ERBB4: variants seen among roughly 807,000 people sequenced by gnomAD.
The protein encoded by ERBB4 is erb-b2 receptor tyrosine kinase 4.
Under a neutral mutation model 158.0 loss-of-function variants are expected in ERBB4, and 42 were observed. That is an observed-to-expected ratio of 0.27 (90% CI 0.21 to 0.34). The LOEUF (loss-of-function observed/expected upper bound fraction) is 0.34. Among genes scored for constraint, ERBB4 ranks in the 10% least tolerant of loss-of-function variants. The probability of loss-of-function intolerance (pLI) is 1.00; values close to 1 mark genes in which losing one functional copy is unlikely to be tolerated. For synonymous variants in ERBB4, 583 were observed against 558.7 expected (o/e 1.04, Z -0.61); for missense variants, 1,333 against 1,624.1 (o/e 0.82, Z 3.08).
At chr2:211,956,015 T>A (rs892412564) in intron 2 of ERBB4, among the ~76,000 whole-genome samples, 11 of 147,380 alleles carry the variant, frequency 7.5e-5, no homozygotes, top group African/African-American at 2.8e-4. Context: ...AGTTGAAGAT[T>A]CTATCATCTC....
At chr2:212,070,382 C>A (rs2078077581) in intron 2 of ERBB4, among the ~76,000 whole-genome samples, 1 of 151,978 alleles carries the variant, frequency 6.6e-6, no homozygotes. Context: ...TCAAGAAATA[C>A]AGAATAGTCA....
intron 17 of ERBB4, among the ~76,000 whole-genome samples, chr2:211,626,601 A>C (rs1420877500): frequency 1.3e-5 from 2 of 152,132 alleles, no homozygotes; most frequent in African/African-American, 4.8e-5. Context: ...TTAAAGAATA[A>C]TTTTCTATAA....
In ERBB4 at chr2:211,499,769, C is replaced by T. The variant is rs140153220; in HGVS notation, c.2487+62134G>A. Among the ~76,000 whole-genome samples, 10 of 152,054 alleles carry T rather than the reference C, an allele frequency of 6.6e-5. No individual in the cohort carries two copies. In the East Asian group the frequency reaches 1.7e-3, roughly 26 times the overall value. On this transcript the variant is annotated intron_variant, in intron 20 of 27. Coordinates refer to ENST00000342788, the MANE Select transcript of ERBB4 (RefSeq NM_005235.3). ...TTGCTCTTTCTAGGTGAAGATACCCCCAAAAAGTTCTATTTCTGAGACTAT... is the reference window on the plus strand; with the variant it reads ...TTGCTCTTTCTAGGTGAAGATACCCTCAAAAAGTTCTATTTCTGAGACTAT...
intron 17 of ERBB4, among the ~76,000 whole-genome samples, chr2:211,628,289 G>T (rs1356045667): frequency 6.6e-6 from 1 of 151,974 alleles, no homozygotes; most frequent in Non-Finnish European, 1.5e-5. Context: ...TTTAACATTA[G>T]GTATATCTCC....
chr2:211,590,326 T>C (rs2068422850), intron 19 of ERBB4, among the ~76,000 whole-genome samples: 1 of 152,212 alleles, frequency 6.6e-6, no homozygotes, highest in Non-Finnish European at 1.5e-5. Context: ...ACTTCCTTCT[T>C]GCCTGGGGAC....
intron 1 of ERBB4, among the ~76,000 whole-genome samples, chr2:212,184,574 A>G (rs1420945020): frequency 6.6e-6 from 1 of 152,128 alleles, no homozygotes; most frequent in Non-Finnish European, 1.5e-5. Flanking sequence ...CACATTTTGG[A>G]GCATCTAGTA....
chr2:211,761,603 C>G (rs576787059), intron 4 of ERBB4, among the ~76,000 whole-genome samples: 1 of 152,054 alleles, frequency 6.6e-6, no homozygotes, highest in Non-Finnish European at 1.5e-5. Flanking sequence ...TTGGCAATTA[C>G]TTTGATTCTA....
chr2:212,460,762 T>C (rs1435096047), intron 1 of ERBB4, among the ~76,000 whole-genome samples: 1 of 152,180 alleles, frequency 6.6e-6, no homozygotes, highest in African/African-American at 2.4e-5. Context: ...TCCCAATTTC[T>C]GAGGAGAAAT....
intron 1 of ERBB4, among the ~76,000 whole-genome samples, chr2:212,327,437 G>T (rs1489360130): frequency 6.6e-6 from 1 of 151,884 alleles, no homozygotes; most frequent in Non-Finnish European, 1.5e-5. Context: ...TGAGACTAAG[G>T]ATACTCTTGG....
chr2:211,617,476 A>G (rs569310665), intron 19 of ERBB4, among the ~76,000 whole-genome samples: 198 of 152,226 alleles, frequency 1.3e-3, no homozygotes, highest in Non-Finnish European at 1.9e-3. Flanking sequence ...ACTTTAGAGA[A>G]CTGGAGAAAG....
intron 1 of ERBB4, among the ~76,000 whole-genome samples, chr2:212,245,746 G>C (rs894359246): frequency 2.6e-5 from 4 of 152,032 alleles, no homozygotes; most frequent in South Asian, 2.1e-4. Context: ...GGATTGTGCT[G>C]CCAATCTTAT....
intron 1 of ERBB4, among the ~76,000 whole-genome samples, chr2:212,139,931 CT>C (rs59903895): frequency 0.028 from 4,306 of 151,782 alleles, 140 homozygotes; most frequent in African/African-American, 0.078. Context: ...AAATAAGTAT[CT>C]TTTTTATTAT....
At chr2:211,476,534 G>A (rs1041134501) in intron 20 of ERBB4, among the ~76,000 whole-genome samples, 1 of 149,304 alleles carries the variant, frequency 6.7e-6, no homozygotes, top group Non-Finnish European at 1.5e-5. Context: ...AAGAATCTAA[G>A]TTTCTCTTTA....
chr2:211,792,610 G>A (rs1355184145), intron 3 of ERBB4, among the ~76,000 whole-genome samples: 1 of 151,746 alleles, frequency 6.6e-6, no homozygotes, highest in Non-Finnish European at 1.5e-5. Flanking sequence ...CTCTAAGCCT[G>A]TGCAAATCAC....
chr2:212,490,894 C>T (rs1387313813), intron 1 of ERBB4, among the ~76,000 whole-genome samples: 1 of 151,680 alleles, frequency 6.6e-6, no homozygotes, highest in Non-Finnish European at 1.5e-5. Flanking sequence ...GTTTTTAAAA[C>T]ATTTGGAAAT....
intron 19 of ERBB4, among the ~76,000 whole-genome samples, chr2:211,598,672 A>T (rs955550860): frequency 6.6e-6 from 1 of 152,176 alleles, no homozygotes; most frequent in African/African-American, 2.4e-5. Flanking sequence ...TTACCATTGG[A>T]ATACTCCTAT....
intron 20 of ERBB4, among the ~76,000 whole-genome samples, chr2:211,456,069 G>A (rs989670557): frequency 6.6e-6 from 1 of 152,174 alleles, no homozygotes; most frequent in Non-Finnish European, 1.5e-5. Context: ...CAAACTTATT[G>A]TGTATTGACT....
chr2:211,498,551 A>T (rs1215340574), intron 20 of ERBB4, among the ~76,000 whole-genome samples: 1 of 152,156 alleles, frequency 6.6e-6, no homozygotes, highest in African/African-American at 2.4e-5. Context: ...CTGTTGTTAA[A>T]TACACATTAT....
intron 2 of ERBB4, among the ~76,000 whole-genome samples, chr2:212,009,395 C>T (rs949508362): frequency 4.0e-5 from 6 of 151,218 alleles, no homozygotes; most frequent in African/African-American, 1.5e-4. Flanking sequence ...CAGCTACAAC[C>T]AAGGAACACT....
Sources: gnomAD v4.1 joint callset for allele counts (sites outside exome capture counted in the v4.1 genomes callset) on GRCh38, gnomAD v4.1.1 for gene constraint, MANE v1.5 for transcripts, NCBI Gene and HGNC (gene_info 2026-07-23, HGNC 2026-07-21) for gene names.